The following SUPT5H variants were observed in gnomAD, a reference collection of about 807,000 sequenced individuals.
The protein encoded by SUPT5H is transcription elongation factor SPT5.
In SUPT5H, 24 loss-of-function variants were observed where a neutral mutation model predicts 142.5. The observed-to-expected ratio is 0.17, with a 90% CI of 0.12 to 0.24. The LOEUF (loss-of-function observed/expected upper bound fraction) is 0.24, where lower values mean the gene tolerates loss of function less well. Ranked by LOEUF, SUPT5H falls within the 10% of genes least tolerant of loss-of-function variation. The pLI is 1.00. For synonymous variants in SUPT5H, 546 were observed against 553.0 expected (o/e 0.99, Z 0.18); for missense variants, 893 against 1,471.8 (o/e 0.61, Z 6.43).
Position 39,453,576 on chromosome 19 carries a change from T to TC in SUPT5H, c.241+57dup, listed in dbSNP as rs1036617134. The TC allele has an allele frequency of 2.2e-5, 32 of 1,438,022 alleles. No individual in the cohort carries two copies. In the African/African-American group the frequency reaches 3.7e-4, roughly 17 times the overall value. 89.1% of individuals were successfully genotyped at this position (1,438,022 alleles called of 1,614,324 possible). On this transcript the variant is annotated intron_variant, in intron 3 of 29. Coordinates refer to ENST00000432763, the MANE Select transcript of SUPT5H (RefSeq NM_001111020.3). ...CAGAGGCTGAGCTTCTACTTTTAGT[T>TC]CCATTTCTTTTTCTTTTTTTGAGGC...
intron 2 of SUPT5H, among the ~76,000 whole-genome samples, chr19:39,451,185 AC>A (rs2079017354): frequency 8.5e-6 from 1 of 117,376 alleles, no homozygotes; most frequent in African/African-American, 3.5e-5. Context: ...TTTGAGCATG[AC>A]CTTTTTTTTT....
chr19:39,471,920 T>G, intron 20 of SUPT5H, 190 bp downstream of exon 20: 1 of 882,072 alleles, frequency 1.1e-6, no homozygotes, highest in Non-Finnish European at 1.6e-6. Flanking sequence ...TTTAAGTTAT[T>G]TATTCATTTC....
chr19:39,445,951 G>C lies in SUPT5H; in HGVS notation c.61G>C (p.Gly21Arg). 6.2e-7 allele frequency: 1 copy of C among 1,613,172 alleles called. No individual in the cohort carries two copies. Residue 21 changes from glycine to arginine, a missense_variant, in exon 2 of 30, where the codon GGC becomes CGC. By Grantham distance (125) the Gly-to-Arg change is moderately radical. Around this residue, in one of 6 missense-constraint regions of SUPT5H, gnomAD observed 70 missense variants for 70.5 expected, o/e 0.99. Coordinates refer to ENST00000432763, the MANE Select transcript of SUPT5H (RefSeq NM_001111020.3). ...GGAGGACAGCGAGCGCAGCAGTGAC[G>C]GCGAGGAGGCCGAGGTCTGTGGCTG... ...EEEDSERSSD[G>R]EEAEVDEERR...
Position 39,462,480 on chromosome 19 carries a change from C to T in SUPT5H, c.625-2318C>T, listed in dbSNP as rs368203700. On this transcript the variant is annotated intron_variant, in intron 10 of 29. Coordinates refer to ENST00000432763, the MANE Select transcript of SUPT5H (RefSeq NM_001111020.3). Reference sequence around the variant, plus strand: ...CGCCTTTCGTGACTGACTTGCTTCACTTAATGTTTTCAAGACTCATCCATA... The same window carrying T: ...CGCCTTTCGTGACTGACTTGCTTCATTTAATGTTTTCAAGACTCATCCATA... Among the ~76,000 whole-genome samples, 66 of 152,180 alleles carry T rather than the reference C, an allele frequency of 4.3e-4. 1 individual carries two copies. In the South Asian group the frequency reaches 0.013, roughly 30 times the overall value.
At chr19:39,468,690 C>G in intron 13 of SUPT5H, 66 bp from the exon 14 acceptor site, 1 of 1,441,914 alleles carries the variant, frequency 6.9e-7, no homozygotes, top group Non-Finnish European at 9.7e-7. Context: ...GCTGAGAAGA[C>G]TGAGGTACAG....
Position 39,473,886 on chromosome 19 carries a change from C to G in SUPT5H, c.2493-77C>G, listed in dbSNP as rs2079362052. 2 of 1,590,218 alleles carry G rather than the reference C, an allele frequency of 1.3e-6. No homozygotes were observed. The highest frequency in any genetic ancestry group is 1.3e-5 in the African/African-American group (1 of 74,414). On this transcript the variant is annotated intron_variant, in intron 25 of 29. Coordinates refer to ENST00000432763, the MANE Select transcript of SUPT5H (RefSeq NM_001111020.3). This position sits in a 1 kb window ranked among gnomAD's most constrained non-coding sequence, Gnocchi z 5.8. ...GAATGAAATTGCTTCAGTTGGGGGT[C>G]TGGTGTAGGGTGCTGTTCTGGAAGC...
chr19:39,471,867 G>A, intron 20 of SUPT5H, 137 bp downstream of exon 20: 1 of 1,257,726 alleles, frequency 8.0e-7, no homozygotes, highest in Non-Finnish European at 1.1e-6. Flanking sequence ...TTGGCAAAGA[G>A]TGAGAAGGTT....
intron 2 of SUPT5H, among the ~76,000 whole-genome samples, chr19:39,451,450 C>T (rs745338360): frequency 6.6e-5 from 10 of 152,098 alleles, no homozygotes; most frequent in South Asian, 2.1e-4. Flanking sequence ...CGCGAGCCAC[C>T]GCGCCCAGCC....
Position 39,466,536 on chromosome 19 carries a change from C to G in SUPT5H, c.933C>G (p.Ile311Met). Residue 311 changes from isoleucine to methionine, a missense_variant, in exon 12 of 30, where the codon ATC (isoleucine) becomes ATG (methionine). This residue lies in a region of SUPT5H where 428 missense variants were observed against 763.5 expected (regional missense o/e 0.56). Transcript: ENST00000432763. This position sits in a 1 kb window ranked among gnomAD's most constrained non-coding sequence, Gnocchi z 4.3. ...TCTCCCTGAAGATGATCCCACGCAT[C>G]GACTACGATCGCATCAAGGCCCGCA... ...NTISLKMIPR[I>M]DYDRIKARMS... 6.2e-7 allele frequency: 1 copy of G among 1,614,126 alleles called. No homozygotes were observed. The highest frequency in any genetic ancestry group is 8.5e-7 in the Non-Finnish European group (1 of 1,180,032).
Position 39,473,044 on chromosome 19 carries a change from T to G in SUPT5H, c.2188T>G (p.Ser730Ala). The change falls in exon 23 of 30, where the codon TCC (serine) becomes GCC (alanine). Residue 730 changes from serine to alanine, a missense_variant. Transcript: ENST00000432763. This position sits in a 1 kb window ranked among gnomAD's most constrained non-coding sequence, Gnocchi z 5.8. ...YIGVVKDATE[S>A]TARVELHSTC... ...CGGTGTGGTGAAAGATGCCACAGAG[T>G]CCACGGCCCGTGTGGAGCTGCACTC... The G allele has an allele frequency of 6.2e-7, 1 of 1,613,420 alleles. No individual in the cohort carries two copies. Among genetic ancestry groups the G allele is most frequent in the Middle Eastern group, 1.7e-4 (1 of 6,056 alleles).
At chr19:39,456,739 T>A (rs1225955703) in intron 3 of SUPT5H, among the ~76,000 whole-genome samples, 2 of 152,122 alleles carry the variant, frequency 1.3e-5, no homozygotes, top group Non-Finnish European at 2.9e-5. Context: ...TTTAAGTTTT[T>A]GGATTTAGGA....
chr19:39,459,196 A>G lies in SUPT5H; in HGVS notation c.471A>G (p.Gly157=). 1 of 1,588,132 alleles carries G rather than the reference A, an allele frequency of 6.3e-7. No individual in the cohort carries two copies. Among genetic ancestry groups the G allele is most frequent in the East Asian group, 2.3e-5 (1 of 43,578 alleles). Residue 157 remains glycine, a synonymous_variant, in exon 8 of 30, where the codon GGA becomes GGG. Coordinates refer to ENST00000432763, the MANE Select transcript of SUPT5H (RefSeq NM_001111020.3). Reference sequence around the variant, plus strand: ...CTCCTCCCTTCAGGGTGTATGGAGGATCTGATGAGCTCTCAGACGACATCA... The same window carrying G: ...CTCCTCCCTTCAGGGTGTATGGAGGGTCTGATGAGCTCTCAGACGACATCA... ...KSSVGETVYG[G]SDELSDDITQ... is the part of the protein sequence containing the mutation.
At chr19:39,468,721 T>C (rs2079276983) in intron 13 of SUPT5H, 35 bp from the exon 14 acceptor site, 5 of 1,590,588 alleles carry the variant, frequency 3.1e-6, no homozygotes, top group African/African-American at 2.7e-5. Flanking sequence ...TTCTTGACTC[T>C]CCCTTCTAAT....
rs1404641481 is a variant in SUPT5H at position 39,453,721 on chromosome 19, C to T, written c.241+200C>T. Reference sequence around the variant, plus strand: ...CTGGGACTACAGGCGCCCGCCACCACGCCCGGCTAATTTTTTCTATTTTTT... The same window carrying T: ...CTGGGACTACAGGCGCCCGCCACCATGCCCGGCTAATTTTTTCTATTTTTT... On this transcript the variant is annotated intron_variant, in intron 3 of 29. Coordinates refer to ENST00000432763, the MANE Select transcript of SUPT5H (RefSeq NM_001111020.3). 2.6e-5 allele frequency among the ~76,000 whole-genome samples: 4 copies of T among 152,278 alleles called. No individual in the cohort carries two copies. In the South Asian group the frequency reaches 6.2e-4, roughly 24 times the overall value.
chr19:39,456,584 A>C lies in SUPT5H; in HGVS notation c.242-1091A>C, dbSNP rs572115381. On this transcript the variant is annotated intron_variant, in intron 3 of 29. Transcript: ENST00000432763. ...AGGCGCCCACCACCATACCTGACTA[A>C]TTTTTTGTATTTTTAGTAGAGACGG... Among the ~76,000 whole-genome samples, 78 of 151,128 alleles carry C rather than the reference A, an allele frequency of 5.2e-4. 1 individual carries two copies. The highest frequency in any genetic ancestry group is 1.8e-3 in the African/African-American group (74 of 41,118).
intron 2 of SUPT5H, among the ~76,000 whole-genome samples, chr19:39,446,826 G>A (rs796411426): frequency 2.3e-4 from 35 of 152,314 alleles, no homozygotes; most frequent in African/African-American, 8.4e-4. Context: ...GGTCAACATG[G>A]TGAAACACCA....
At position 39,458,372 on chromosome 19, in the gene SUPT5H, G is replaced by C. The variant is rs1177333996; in HGVS notation, c.319+67G>C. 1 of 1,604,082 alleles carries C rather than the reference G, an allele frequency of 6.2e-7. No homozygotes were observed. Among genetic ancestry groups the C allele is most frequent in the Admixed American group, 1.7e-5 (1 of 59,598 alleles). On this transcript the variant is annotated intron_variant, in intron 5 of 29. Transcript: ENST00000432763. The surrounding 1 kb of genome is among the most constrained non-coding windows in gnomAD (Gnocchi z 4.2). ...ATCCTGACATTTCCTCCTTCCTGAG[G>C]CACCTGCCCTCACCGGTAGCCTCCC...
chr19:39,476,017 G>C lies in SUPT5H; in HGVS notation c.3025-64G>C, dbSNP rs996999562. The C allele has an allele frequency of 3.5e-6, 5 of 1,440,008 alleles. No individual in the cohort carries two copies. In the South Asian group the frequency reaches 5.8e-5, roughly 17 times the overall value. 89.2% of individuals were successfully genotyped at this position (1,440,008 alleles called of 1,614,324 possible). A position where few individuals can be genotyped will look rare whatever the true frequency, so the allele number is the denominator to read the frequency against. ...ATGAGCCCTGAGCCTGTGTCCCCTGGAGTATGGGCCTCAGTCCCATGTTGG... is the reference window on the plus strand; with the variant it reads ...ATGAGCCCTGAGCCTGTGTCCCCTGCAGTATGGGCCTCAGTCCCATGTTGG... On this transcript the variant is annotated intron_variant, in intron 28 of 29. Coordinates refer to ENST00000432763, the MANE Select transcript of SUPT5H (RefSeq NM_001111020.3).
At position 39,474,456 on chromosome 19, in the gene SUPT5H, A is replaced by G. The variant is rs1028016146; in HGVS notation, c.2820+54A>G. 2.3e-5 allele frequency: 37 copies of G among 1,610,712 alleles called. No individual in the cohort carries two copies. The highest frequency in any genetic ancestry group is 1.1e-4 in the African/African-American group (8 of 74,726). ...GTGGTGGGCTAGGGTGACTTTGGGC[A>G]TATAGGGTCGGCCAGGCCAGATGAC... On this transcript the variant is annotated intron_variant, in intron 27 of 29. Coordinates refer to ENST00000432763, the MANE Select transcript of SUPT5H (RefSeq NM_001111020.3). The surrounding 1 kb of genome is among the most constrained non-coding windows in gnomAD (Gnocchi z 6.5).
Sources: gnomAD v4.1 joint callset for allele counts (sites outside exome capture counted in the v4.1 genomes callset) on GRCh38, gnomAD v4.1.1 for gene constraint, gnomAD v4.1.1 regional missense constraint, Gnocchi (gnomAD v3.1) non-coding constraint, MANE v1.5 for transcripts, NCBI Gene and HGNC (gene_info 2026-07-23, HGNC 2026-07-21) for gene names.